PDIK1L: variants seen among roughly 807,000 people sequenced by gnomAD.
PDIK1L encodes the protein PDLIM1 interacting kinase 1 like.
PDIK1L carries 9 observed loss-of-function variants against 27.1 expected under a neutral mutation model. The observed-to-expected ratio is 0.33, with a 90% CI of 0.20 to 0.58. PDIK1L has a LOEUF of 0.58. Among genes scored for constraint, PDIK1L ranks in the 20% least tolerant of loss-of-function variants. The pLI, the probability that PDIK1L is intolerant of heterozygous loss-of-function variation, is 0.86. For synonymous variants in PDIK1L, 130 were observed against 141.7 expected (o/e 0.92, Z 0.59); for missense variants, 216 against 413.2 (o/e 0.52, Z 4.14).
At chr1:26,121,156 T>C (rs950927202) in intron 2 of PDIK1L, among the ~76,000 whole-genome samples, 2 of 151,986 alleles carry the variant, frequency 1.3e-5, no homozygotes, top group African/African-American at 4.8e-5. Flanking sequence ...AAAATGCATA[T>C]TTGAAAACAA....
Position 26,114,314 on chromosome 1 carries a change from G to T in PDIK1L, c.6G>T (p.Val2=), listed in dbSNP as rs1344758631. The T allele has an allele frequency of 6.2e-7, 1 of 1,608,180 alleles. No homozygotes were observed. Among genetic ancestry groups the T allele is most frequent in the Admixed American group, 1.7e-5 (1 of 59,882 alleles). Residue 2 remains valine, a synonymous_variant, in exon 2 of 3, where the codon GTG becomes GTT. Coordinates refer to ENST00000374269, the MANE Select transcript of PDIK1L (RefSeq NM_152835.5). This position sits in a 1 kb window ranked among gnomAD's most constrained non-coding sequence, Gnocchi z 4.8. The part of the protein sequence containing the change: M[V]SSQPKYDLIR... ...CAGAAACCTCGACCTTGAAGATGGTGAGTAGCCAGCCAAAGTACGATCTAA... is the reference window on the plus strand; with the variant it reads ...CAGAAACCTCGACCTTGAAGATGGTTAGTAGCCAGCCAAAGTACGATCTAA...
chr1:26,119,415 C>G (rs2124472922), intron 2 of PDIK1L, among the ~76,000 whole-genome samples: 1 of 151,962 alleles, frequency 6.6e-6, no homozygotes, highest in Middle Eastern at 3.4e-3. Flanking sequence ...CTCTCTCTCT[C>G]TCTCTCTCTC....
chr1:26,122,144 C>A lies in PDIK1L; in HGVS notation c.593C>A (p.Ser198Ter). ...VADFGLSKVC[S>*]ASGQNPEEPV... is the part of the protein sequence containing the mutation. ...GATTTTGGTCTAAGTAAAGTTTGTT[C>A]AGCCTCTGGGCAGAACCCAGAAGAA... The change falls in exon 3 of 3, where the codon TCA becomes TAA. Residue 198 changes from serine (S) to a stop codon, truncating the protein, a stop_gained. Transcript: ENST00000374269. LOFTEE classifies it high-confidence loss of function. This position sits in a 1 kb window ranked among gnomAD's most constrained non-coding sequence, Gnocchi z 5.4. 6.2e-7 allele frequency: 1 copy of A among 1,614,106 alleles called. No individual in the cohort carries two copies.
intron 2 of PDIK1L, among the ~76,000 whole-genome samples, chr1:26,118,156 T>C (rs1278420182): frequency 6.6e-6 from 1 of 152,000 alleles, no homozygotes. Flanking sequence ...GCAAAGATAT[T>C]TAAACAAAAG....
chr1:26,114,535 A>G lies in PDIK1L; in HGVS notation c.227A>G (p.Gln76Arg). The change falls in exon 2 of 3, where the codon CAA becomes CGA. Residue 76 changes from glutamine (Q) to arginine (R), a missense_variant. Transcript: ENST00000374269. The surrounding 1 kb of genome is among the most constrained non-coding windows in gnomAD (Gnocchi z 4.8). Reference protein sequence around the residue: ...NVIHLEECILQKDGMVQKMSH... With the variant: ...NVIHLEECILRKDGMVQKMSH... ...ATTCACTTGGAGGAATGCATCCTAC[A>G]AAAGGATGGGATGGTGCAAAAGATG... 6.2e-7 allele frequency: 1 copy of G among 1,614,126 alleles called. No homozygotes were observed. The highest frequency in any genetic ancestry group is 1.1e-5 in the South Asian group (1 of 91,084).
In PDIK1L at chr1:26,122,341, G is replaced by A. The variant is rs1444419268; in HGVS notation, c.790G>A (p.Glu264Lys). 6.2e-7 allele frequency: 1 copy of A among 1,614,172 alleles called. No homozygotes were observed. Among genetic ancestry groups the A allele is most frequent in the Non-Finnish European group, 8.5e-7 (1 of 1,180,018 alleles). The change falls in exon 3 of 3, where the codon GAA becomes AAA. Residue 264 changes from glutamate (E) to lysine (K), a missense_variant. This residue lies in a region of PDIK1L where 169 missense variants were observed against 366.0 expected (regional missense o/e 0.46). Transcript: ENST00000374269. This position sits in a 1 kb window ranked among gnomAD's most constrained non-coding sequence, Gnocchi z 5.4. ...ITFIDTETKK[E>K]LLGSYVKQGT... ...ATTCATAGACACAGAGACAAAGAAG[G>A]AACTCTTGGGGAGTTATGTAAAACA...
At chr1:26,115,242 C>G (rs771383969) in intron 2 of PDIK1L, among the ~76,000 whole-genome samples, 2 of 152,150 alleles carry the variant, frequency 1.3e-5, no homozygotes, top group Non-Finnish European at 2.9e-5. Context: ...GAAACTGAGG[C>G]TTATAGTATA....
In PDIK1L at chr1:26,114,347, G is replaced by C; in HGVS notation, c.39G>C (p.Glu13Asp). ...AGCCAAAGTACGATCTAATACGGGA[G>C]GTAGGCCGAGGTAGTTACGGTGTTG... ...SSQPKYDLIREVGRGSYGVVY... is the reference protein window; with the variant it reads ...SSQPKYDLIRDVGRGSYGVVY... The change falls in exon 2 of 3, where the codon GAG (glutamate) becomes GAC (aspartate). Residue 13 changes from glutamate to aspartate, a missense_variant. Physicochemically the swap from Glu to Asp is conservative, Grantham distance 45. This residue lies in a region of PDIK1L where 47 missense variants were observed against 47.2 expected (regional missense o/e 1.00). Coordinates refer to ENST00000374269, the MANE Select transcript of PDIK1L (RefSeq NM_152835.5). This position sits in a 1 kb window ranked among gnomAD's most constrained non-coding sequence, Gnocchi z 4.8. 1 of 1,613,984 alleles carries C rather than the reference G, an allele frequency of 6.2e-7. No homozygotes were observed. The highest frequency in any genetic ancestry group is 8.5e-7 in the Non-Finnish European group (1 of 1,179,914).
intron 2 of PDIK1L, among the ~76,000 whole-genome samples, chr1:26,117,894 A>C (rs930986782): frequency 2.0e-5 from 3 of 152,082 alleles, no homozygotes; most frequent in African/African-American, 7.2e-5. Flanking sequence ...CCCCATCTCT[A>C]CGAAAAATAC....
At position 26,114,281 on chromosome 1, in the gene PDIK1L, G is replaced by T; in HGVS notation, c.-17-11G>T. The T allele has an allele frequency of 6.3e-7, 1 of 1,594,832 alleles. No individual in the cohort carries two copies. On this transcript the variant is annotated splice_polypyrimidine_tract_variant and intron_variant, in intron 1 of 2. Transcript: ENST00000374269. The surrounding 1 kb of genome is among the most constrained non-coding windows in gnomAD (Gnocchi z 4.8). ...CATAATTTCAACAGAGCACTTTGTT[G>T]ATTTTTCCAGAAACCTCGACCTTGA...
chr1:26,117,807 C>T (rs1174729431), intron 2 of PDIK1L, among the ~76,000 whole-genome samples: 1 of 152,002 alleles, frequency 6.6e-6, no homozygotes, highest in Non-Finnish European at 1.5e-5. Context: ...CCTGTAATCC[C>T]GGCACTTCGG....
At chr1:26,112,545 G>A (rs2087815062) in intron 1 of PDIK1L, 1 of 152,282 alleles carries the variant, frequency 6.6e-6, no homozygotes, top group Non-Finnish European at 1.5e-5. Context: ...GAGTGGATGT[G>A]ATTGGCGATC....
Position 26,122,026 on chromosome 1 carries a change from C to A in PDIK1L, c.475C>A (p.Gln159Lys). The A allele has an allele frequency of 3.1e-6, 5 of 1,613,404 alleles. No homozygotes were observed. The highest frequency in any genetic ancestry group is 4.2e-6 in the Non-Finnish European group (5 of 1,179,852). The change falls in exon 3 of 3, where the codon CAG becomes AAG. Residue 159 changes from glutamine to lysine, a missense_variant. Gln to Lys is a moderately conservative substitution (Grantham distance 53, BLOSUM62 1). Coordinates refer to ENST00000374269, the MANE Select transcript of PDIK1L (RefSeq NM_152835.5). This position sits in a 1 kb window ranked among gnomAD's most constrained non-coding sequence, Gnocchi z 5.4. ...SSALAFLHKN[Q>K]IIHRDLKPDN... ...TGCCCTGGCTTTCTTGCATAAAAACCAGATCATCCACCGAGATCTTAAGCC... is the reference window on the plus strand; with the variant it reads ...TGCCCTGGCTTTCTTGCATAAAAACAAGATCATCCACCGAGATCTTAAGCC...
At chr1:26,118,267 G>A (rs1188384056) in intron 2 of PDIK1L, among the ~76,000 whole-genome samples, 1 of 152,162 alleles carries the variant, frequency 6.6e-6, no homozygotes, top group Admixed American at 6.5e-5. Flanking sequence ...ACTGCAGTGA[G>A]CCATGATCGC....
chr1:26,115,750 C>T (rs371074499), intron 2 of PDIK1L, among the ~76,000 whole-genome samples: 8 of 151,242 alleles, frequency 5.3e-5, no homozygotes, highest in South Asian at 2.1e-4. Context: ...TGCCGTGAGC[C>T]GAGATCGCGC....
intron 2 of PDIK1L, among the ~76,000 whole-genome samples, chr1:26,118,524 GTA>G (rs2087919636): frequency 6.6e-6 from 1 of 152,116 alleles, no homozygotes; most frequent in Admixed American, 6.5e-5. Flanking sequence ...TTCACTTATG[GTA>G]TGTTTTGCTA....
chr1:26,112,834 G>A (rs182196566), intron 1 of PDIK1L, among the ~76,000 whole-genome samples: 2 of 152,208 alleles, frequency 1.3e-5, no homozygotes, highest in Non-Finnish European at 2.9e-5. Context: ...TTTCTAGCCC[G>A]TGGTCACAAT....
chr1:26,116,530 A>T (rs1380998671), intron 2 of PDIK1L, among the ~76,000 whole-genome samples: 1 of 152,232 alleles, frequency 6.6e-6, no homozygotes. Context: ...AAAAAAGAAA[A>T]CAAAACCTCT....
At position 26,114,528 on chromosome 1, in the gene PDIK1L, A is replaced by G; in HGVS notation, c.220A>G (p.Ile74Val). The G allele has an allele frequency of 6.2e-7, 1 of 1,614,196 alleles. No individual in the cohort carries two copies. The highest frequency in any genetic ancestry group is 8.5e-7 in the Non-Finnish European group (1 of 1,180,014). ...AAATGTGATTCACTTGGAGGAATGCATCCTACAAAAGGATGGGATGGTGCA... is the reference window on the plus strand; with the variant it reads ...AAATGTGATTCACTTGGAGGAATGCGTCCTACAAAAGGATGGGATGGTGCA... ...HPNVIHLEEC[I>V]LQKDGMVQKM... is the part of the protein sequence containing the mutation. The change falls in exon 2 of 3, where the codon ATC (isoleucine) becomes GTC (valine). Residue 74 changes from isoleucine (I) to valine (V), a missense_variant. By Grantham distance (29) the Ile-to-Val change is conservative. This residue lies in a region of PDIK1L where 169 missense variants were observed against 366.0 expected (regional missense o/e 0.46). Transcript: ENST00000374269. This position sits in a 1 kb window ranked among gnomAD's most constrained non-coding sequence, Gnocchi z 4.8.
Sources: gnomAD v4.1 joint callset for allele counts (sites outside exome capture counted in the v4.1 genomes callset) on GRCh38, gnomAD v4.1.1 for gene constraint, gnomAD v4.1.1 regional missense constraint, Gnocchi (gnomAD v3.1) non-coding constraint, MANE v1.5 for transcripts, NCBI Gene and HGNC (gene_info 2026-07-23, HGNC 2026-07-21) for gene names.